FSIP2: variants seen among roughly 807,000 people sequenced by gnomAD.
FSIP2 encodes the protein fibrous sheath interacting protein 2, also known as fibrous sheath-interacting protein 2.
In FSIP2, 367 loss-of-function variants were observed where a neutral mutation model predicts 510.5. That is an observed-to-expected ratio of 0.72 (90% CI 0.66 to 0.78). FSIP2 has a LOEUF of 0.78. Among genes scored for constraint, FSIP2 ranks in the 30% least tolerant of loss-of-function variants. The probability of loss-of-function intolerance (pLI) is 0.00; values close to 1 mark genes in which losing one functional copy is unlikely to be tolerated. For missense variants in FSIP2, 7,594 were observed against 7,901.7 expected, an observed-to-expected ratio of 0.96 and a Z score of 1.48; for synonymous variants, 2,601 against 2,732.2, an observed-to-expected ratio of 0.95 and a Z score of 1.50.
Position 185,824,255 on chromosome 2 carries a change from A to G in FSIP2, c.20427-179A>G, listed in dbSNP as rs559435557. Among the ~76,000 whole-genome samples, 6 of 152,024 alleles carry G rather than the reference A, an allele frequency of 3.9e-5. No homozygotes were observed. In the East Asian group the frequency reaches 7.8e-4, roughly 20 times the overall value. The stretch of plus-strand genomic sequence containing the variant: ...TAAATTTAATGTATGTATAACCACA[A>G]TTTTAAAAGTAGGGGAAAAAGTCAA... On this transcript the variant is annotated intron_variant, in intron 19 of 22. Transcript: ENST00000424728.
intron 7 of FSIP2, among the ~76,000 whole-genome samples, chr2:185,747,851 C>G (rs1056934705): frequency 6.6e-6 from 1 of 152,008 alleles, no homozygotes; most frequent in Non-Finnish European, 1.5e-5. Context: ...CACCACCACC[C>G]TATCAACTTT....
In FSIP2 at chr2:185,803,549, T is replaced by C. The variant is rs1693490042; in HGVS notation, c.14243T>C (p.Ile4748Thr). Residue 4748 changes from isoleucine (I) to threonine (T), a missense_variant, in exon 17 of 23, where the codon ATA becomes ACA. Physicochemically the swap from Ile to Thr is moderately conservative, Grantham distance 89. Transcript: ENST00000424728. Reference sequence around the variant, plus strand: ...GATTTCCAAATTCATCCAGATCTTATAGCAAATCTGCCTTTTAAATCACAT... The same window carrying C: ...GATTTCCAAATTCATCCAGATCTTACAGCAAATCTGCCTTTTAAATCACAT... ...IFDFQIHPDL[I>T]ANLPFKSHSK... 2.0e-6 allele frequency: 3 copies of C among 1,533,130 alleles called. No homozygotes were observed. Among genetic ancestry groups the C allele is most frequent in the Non-Finnish European group, 2.6e-6 (3 of 1,144,920 alleles). 95.0% of individuals were successfully genotyped at this position (1,533,130 alleles called of 1,614,324 possible).
intron 13 of FSIP2, among the ~76,000 whole-genome samples, chr2:185,768,488 G>A (rs561850371): frequency 1.3e-5 from 2 of 151,810 alleles, no homozygotes; most frequent in East Asian, 1.9e-4. Flanking sequence ...TGGACATACC[G>A]TTTTCCCAAC....
Position 185,795,435 on chromosome 2 carries a change from C to A in FSIP2, c.8299C>A (p.Gln2767Lys). The A allele has an allele frequency of 6.5e-7, 1 of 1,534,600 alleles. No homozygotes were observed. Among genetic ancestry groups the A allele is most frequent in the South Asian group, 1.2e-5 (1 of 84,004 alleles). The change falls in exon 16 of 23, where the codon CAA becomes AAA. Residue 2767 changes from glutamine (Q) to lysine (K), a missense_variant. Coordinates refer to ENST00000424728, the MANE Select transcript of FSIP2 (RefSeq NM_173651.4). Reference protein sequence around the residue: ...VKQTKALPSDQIIAAGKIVNT... With the variant: ...VKQTKALPSDKIIAAGKIVNT... ...GCAAACCAAAGCTTTACCATCTGATCAAATCATAGCAGCAGGTAAAATAGT... is the reference window on the plus strand; with the variant it reads ...GCAAACCAAAGCTTTACCATCTGATAAAATCATAGCAGCAGGTAAAATAGT...
chr2:185,808,299 T>C lies in FSIP2; in HGVS notation c.18993T>C (p.Ser6331=). The change falls in exon 17 of 23, where the codon TCT becomes TCC. Residue 6331 remains serine, a synonymous_variant. Transcript: ENST00000424728. The part of the protein sequence containing the change: ...KVIKIIDELK[S]KEKSSSRKGL... ...TCAAAATTATTGATGAACTTAAGTCTAAGGAAAAGTCTTCATCCAGAAAAG... is the reference window on the plus strand; with the variant it reads ...TCAAAATTATTGATGAACTTAAGTCCAAGGAAAAGTCTTCATCCAGAAAAG... 6.2e-7 allele frequency: 1 copy of C among 1,606,074 alleles called. No individual in the cohort carries two copies. The highest frequency in any genetic ancestry group is 8.5e-7 in the Non-Finnish European group (1 of 1,177,542).
rs754119757 is a variant in FSIP2 at position 185,807,029 on chromosome 2, T to C, written c.17723T>C (p.Ile5908Thr). 2.1e-5 allele frequency: 33 copies of C among 1,596,300 alleles called. No homozygotes were observed. The highest frequency in any genetic ancestry group is 1.7e-4 in the Middle Eastern group (1 of 5,966). ...CCTTCTTCAGATAAGATACCATCAA[T>C]TGACAAAACATTGGTCAATAAAGTT... ...RKPSSDKIPS[I>T]DKTLVNKVVH... is the part of the protein sequence containing the mutation. Residue 5908 changes from isoleucine (I) to threonine (T), a missense_variant, in exon 17 of 23, where the codon ATT (isoleucine) becomes ACT (threonine). Ile to Thr is a moderately conservative substitution (Grantham distance 89). Coordinates refer to ENST00000424728, the MANE Select transcript of FSIP2 (RefSeq NM_173651.4).
In FSIP2 at chr2:185,796,467, A is replaced by C; in HGVS notation, c.9331A>C (p.Ile3111Leu). 1 of 1,535,036 alleles carries C rather than the reference A, an allele frequency of 6.5e-7. No individual in the cohort carries two copies. Among genetic ancestry groups the C allele is most frequent in the South Asian group, 1.2e-5 (1 of 84,024 alleles). Residue 3111 changes from isoleucine (I) to leucine (L), a missense_variant, in exon 16 of 23, where the codon ATA becomes CTA. Transcript: ENST00000424728. ...CCAAATGGAACCATCTTCAATTAGC[A>C]TATTGAAAGAGAACATTGTAGCAAG... is the stretch of plus-strand genomic sequence containing the variant. ...ISQMEPSSIS[I>L]LKENIVASEI...
In FSIP2 at chr2:185,794,578, G is replaced by A; in HGVS notation, c.7442G>A (p.Gly2481Asp). 2.0e-6 allele frequency: 3 copies of A among 1,531,742 alleles called. No homozygotes were observed. Among genetic ancestry groups the A allele is most frequent in the South Asian group, 1.2e-5 (1 of 83,202 alleles). 94.9% of individuals were successfully genotyped at this position (1,531,742 alleles called of 1,614,324 possible). Residue 2481 changes from glycine to aspartate, a missense_variant, in exon 16 of 23, where the codon GGT becomes GAT. Gly to Asp is a moderately conservative substitution (Grantham distance 94). Transcript: ENST00000424728. ...GGAGAATCAAAAAACAAAGAAAAAG[G>A]TGAACTGCTCATTGCAGTGGAAGAA... ...RNGESKNKEK[G>D]ELLIAVEELL...
At chr2:185,738,775 G>A, upstream of FSIP2, 4 of 1,535,998 alleles carry the variant, frequency 2.6e-6, no homozygotes, top group Non-Finnish European at 3.5e-6. Context: ...GAACGCGGGG[G>A]GCGGGGCTGA....
At chr2:185,775,466 T>C (rs1692697641) in intron 13 of FSIP2, among the ~76,000 whole-genome samples, 2 of 151,894 alleles carry the variant, frequency 1.3e-5, no homozygotes, top group Admixed American at 1.3e-4. Flanking sequence ...TCATTGTAGA[T>C]TCTGGATATT....
intron 21 of FSIP2, among the ~76,000 whole-genome samples, chr2:185,830,335 T>C (rs1404979229): frequency 1.3e-5 from 2 of 151,886 alleles, no homozygotes; most frequent in African/African-American, 2.4e-5. Context: ...AGATAAAAAC[T>C]TTAAAGTCAT....
rs983421754 is a variant in FSIP2, at chr2:185,808,843, T to A, written c.19537T>A (p.Ser6513Thr). The A allele has an allele frequency of 6.2e-7, 1 of 1,612,340 alleles. No individual in the cohort carries two copies. The highest frequency in any genetic ancestry group is 8.5e-7 in the Non-Finnish European group (1 of 1,179,298). Residue 6513 changes from serine (S) to threonine (T), a missense_variant, in exon 17 of 23, where the codon TCT (serine) becomes ACT (threonine). Transcript: ENST00000424728. ...GCAAGAAAAGTTAGATCAAAATTTA[T>A]CTGAAGAGGAATCTCCAATTAAAAT... ...LEQEKLDQNL[S>T]EEESPIKIVP...
At chr2:185,832,032 C>T (rs2302913) in intron 22 of FSIP2, 150 bp downstream of exon 22, 403,131 of 603,744 alleles carry the variant, frequency 0.67, 135,842 homozygotes, top group South Asian at 0.72. Flanking sequence ...TTACTGTTTG[C>T]ATAAATACCA....
intron 13 of FSIP2, among the ~76,000 whole-genome samples, chr2:185,774,289 A>G (rs891764185): frequency 6.6e-6 from 1 of 152,104 alleles, no homozygotes; most frequent in East Asian, 1.9e-4. Context: ...ATTATTCTCT[A>G]TAGTTTGTAG....
rs112408297 is a variant in FSIP2, at chr2:185,751,524, T to C, written c.871-2198T>C. ...GGTTACTACTCATATAGATGGGCTTTGGTTTCATATCAAATCTGACAACCG... is the reference window on the plus strand; with the variant it reads ...GGTTACTACTCATATAGATGGGCTTCGGTTTCATATCAAATCTGACAACCG... On this transcript the variant is annotated intron_variant, in intron 7 of 22. Coordinates refer to ENST00000424728, the MANE Select transcript of FSIP2 (RefSeq NM_173651.4). Among the ~76,000 whole-genome samples, 973 of 148,136 alleles carry C rather than the reference T, an allele frequency of 6.6e-3. 9 individuals carry two copies. The highest frequency in any genetic ancestry group is 0.028 in the Middle Eastern group (8 of 290).
intron 14 of FSIP2, among the ~76,000 whole-genome samples, chr2:185,783,017 C>T (rs781176205): frequency 1.2e-4 from 19 of 152,114 alleles, no homozygotes; most frequent in African/African-American, 2.2e-4. Context: ...CAAGTGTATC[C>T]GCATCATAGC....
rs971654265 is a variant in FSIP2 at position 185,807,137 on chromosome 2, A to T, written c.17831A>T (p.Asn5944Ile). 1.9e-6 allele frequency: 3 copies of T among 1,601,564 alleles called. No individual in the cohort carries two copies. The change falls in exon 17 of 23, where the codon AAT (asparagine) becomes ATT (isoleucine). Residue 5944 changes from asparagine to isoleucine, a missense_variant. By Grantham distance (149) the Asn-to-Ile change is moderately radical (BLOSUM62 -3). Coordinates refer to ENST00000424728, the MANE Select transcript of FSIP2 (RefSeq NM_173651.4). ...IWKNINSNGE[N>I]LARRLTSAVI... is the part of the protein sequence containing the mutation. ...AAGAATATAAACAGTAATGGAGAAA[A>T]TTTAGCAAGAAGACTAACTAGTGCA... is the stretch of plus-strand genomic sequence containing the variant.
chr2:185,804,493 G>A lies in FSIP2; in HGVS notation c.15187G>A (p.Glu5063Lys). The change falls in exon 17 of 23, where the codon GAA becomes AAA. Residue 5063 changes from glutamate to lysine, a missense_variant. By Grantham distance (56) the Glu-to-Lys change is moderately conservative. Coordinates refer to ENST00000424728, the MANE Select transcript of FSIP2 (RefSeq NM_173651.4). ...TAGGAAAATATATTATTTGCTATTGGAAGAAATATATGATTATCAAGTGCA... is the reference window on the plus strand; with the variant it reads ...TAGGAAAATATATTATTTGCTATTGAAAGAAATATATGATTATCAAGTGCA... ...FGRKIYYLLL[E>K]EIYDYQVQSL... 6.6e-7 allele frequency: 1 copy of A among 1,515,904 alleles called. No homozygotes were observed. Among genetic ancestry groups the A allele is most frequent in the South Asian group, 1.2e-5 (1 of 81,062 alleles). 93.9% of individuals were successfully genotyped at this position (1,515,904 alleles called of 1,614,324 possible).
rs1479144372 is a variant in FSIP2, at chr2:185,805,065, T to C, written c.15759T>C (p.Tyr5253=). The C allele has an allele frequency of 6.2e-7, 1 of 1,602,640 alleles. No homozygotes were observed. Among genetic ancestry groups the C allele is most frequent in the Non-Finnish European group, 8.5e-7 (1 of 1,176,480 alleles). Residue 5253 remains tyrosine, a synonymous_variant, in exon 17 of 23, where the codon TAT becomes TAC. Coordinates refer to ENST00000424728, the MANE Select transcript of FSIP2 (RefSeq NM_173651.4). ...EESSFSDLSD[Y]DHVSELAKSG... ...CATCTTTCAGTGACTTATCTGATTA[T>C]GACCATGTCTCTGAACTTGCTAAAT...
Sources: gnomAD v4.1 joint callset for allele counts (sites outside exome capture counted in the v4.1 genomes callset) on GRCh38, gnomAD v4.1.1 for gene constraint, MANE v1.5 for transcripts, NCBI Gene and HGNC (gene_info 2026-07-23, HGNC 2026-07-21) for gene names.